Variants in CAMTA1 observed in about 807,000 individuals in gnomAD.
The protein encoded by CAMTA1 is calmodulin binding transcription activator 1.
In CAMTA1, 27 loss-of-function variants were observed where a neutral mutation model predicts 170.9. That is an observed-to-expected ratio of 0.16 (90% confidence interval 0.12 to 0.22). The LOEUF (loss-of-function observed/expected upper bound fraction) is 0.22. Among genes scored for constraint, CAMTA1 ranks in the 10% least tolerant of loss-of-function variants. The probability of loss-of-function intolerance (pLI) is 1.00; values close to 1 mark genes in which losing one functional copy is unlikely to be tolerated. For synonymous variants in CAMTA1, 833 were observed against 891.5 expected (o/e 0.93, Z 1.17); for missense variants, 1,619 against 2,217.2 (o/e 0.73, Z 5.42).
chr1:7,460,696 C>T lies in CAMTA1; in HGVS notation c.439-7134C>T, dbSNP rs528318393. On this transcript the variant is annotated intron_variant, in intron 5 of 22. Coordinates refer to ENST00000303635, the MANE Select transcript of CAMTA1 (RefSeq NM_015215.4). ...ACCCTCATCTTCTAGGTGGATTTTCCCTTCCCTTCTATGAGCTCTTTTCTT... is the reference window on the plus strand; with the variant it reads ...ACCCTCATCTTCTAGGTGGATTTTCTCTTCCCTTCTATGAGCTCTTTTCTT... Among the ~76,000 whole-genome samples the T allele has an allele frequency of 1.0e-3, 154 of 152,218 alleles. 1 individual carries two copies. Among genetic ancestry groups the T allele is most frequent in the African/African-American group, 2.8e-3 (116 of 41,542 alleles).
intron 6 of CAMTA1, among the ~76,000 whole-genome samples, chr1:7,617,029 G>T (rs1179635662): frequency 6.6e-6 from 1 of 152,228 alleles, no homozygotes; most frequent in Non-Finnish European, 1.5e-5. Flanking sequence ...AGCTCGTGGG[G>T]TAAAGTGTGG....
chr1:7,679,754 G>A (rs544510447), intron 11 of CAMTA1, among the ~76,000 whole-genome samples: 32 of 152,374 alleles, frequency 2.1e-4, no homozygotes, highest in Middle Eastern at 3.4e-3. Context: ...TAGGGGAACA[G>A]TAGCTCCGCA....
chr1:7,236,401 A>G (rs76685420), intron 4 of CAMTA1, among the ~76,000 whole-genome samples: 1 of 152,164 alleles, frequency 6.6e-6, no homozygotes, highest in Non-Finnish European at 1.5e-5. Flanking sequence ...CTTGCTCTGT[A>G]TGAAGTGTTT....
intron 5 of CAMTA1, among the ~76,000 whole-genome samples, chr1:7,422,986 C>A (rs845251): frequency 0.9 from 137,668 of 152,326 alleles, 62,293 homozygotes; most frequent in East Asian, 0.99. Flanking sequence ...AGATTAATGG[C>A]AGTGCCATTT....
chr1:7,035,694 G>C (rs749009418), intron 3 of CAMTA1, among the ~76,000 whole-genome samples: 3 of 152,168 alleles, frequency 2.0e-5, no homozygotes, highest in Non-Finnish European at 4.4e-5. Flanking sequence ...ATCTCTTAAG[G>C]ATGCCCGAAG....
intron 5 of CAMTA1, among the ~76,000 whole-genome samples, chr1:7,400,657 A>G (rs939709535): frequency 6.6e-6 from 1 of 152,070 alleles, no homozygotes; most frequent in African/African-American, 2.4e-5. Flanking sequence ...TCATCTTCAG[A>G]TATGTCCTAG....
intron 6 of CAMTA1, among the ~76,000 whole-genome samples, chr1:7,575,488 C>T (rs549498616): frequency 3.7e-4 from 56 of 152,228 alleles, no homozygotes; most frequent in Non-Finnish European, 6.6e-4. Context: ...TTGCAGATGG[C>T]CTGTCATGTG....
At position 7,234,527 on chromosome 1, in the gene CAMTA1, G is replaced by A. The variant is rs185173188; in HGVS notation, c.303-14964G>A. The stretch of plus-strand genomic sequence containing the variant: ...CTGTGGCACCCTCAGCACCCGGCGT[G>A]AATGCTCAGCCGTGATAGCTGCTCA... On this transcript the variant is annotated intron_variant, in intron 4 of 22. Coordinates refer to ENST00000303635, the MANE Select transcript of CAMTA1 (RefSeq NM_015215.4). This position sits in a 1 kb window ranked among gnomAD's most constrained non-coding sequence, Gnocchi z 5.0. 4.6e-5 allele frequency among the ~76,000 whole-genome samples: 7 copies of A among 152,346 alleles called. No homozygotes were observed. In the East Asian group the frequency reaches 1.4e-3, roughly 29 times the overall value.
At chr1:7,276,298 TATATA>T (rs1365421474) in intron 5 of CAMTA1, among the ~76,000 whole-genome samples, 3 of 14,564 alleles carry the variant, frequency 2.1e-4, no homozygotes, top group Admixed American at 8.5e-4. Context: ...TATATATATA[TATATA>T]TTTTTTTTTT....
intron 5 of CAMTA1, among the ~76,000 whole-genome samples, chr1:7,345,785 T>C (rs1414622186): frequency 6.6e-6 from 1 of 152,166 alleles, no homozygotes; most frequent in African/African-American, 2.4e-5. Flanking sequence ...TTTTAAGAAA[T>C]GGCCATAGTC....
chr1:6,825,750 A>C (rs1647028300), intron 3 of CAMTA1, among the ~76,000 whole-genome samples: 2 of 152,232 alleles, frequency 1.3e-5, no homozygotes, highest in South Asian at 4.1e-4. Flanking sequence ...CCAATTAGAA[A>C]GTAGATTTAT....
intron 5 of CAMTA1, among the ~76,000 whole-genome samples, chr1:7,269,597 C>A (rs987777993): frequency 2.8e-4 from 43 of 152,082 alleles, no homozygotes; most frequent in African/African-American, 8.0e-4. Context: ...GGATTAATAC[C>A]AGATTAGACA....
At chr1:7,208,794 T>C (rs1658226089) in intron 4 of CAMTA1, among the ~76,000 whole-genome samples, 1 of 152,128 alleles carries the variant, frequency 6.6e-6, no homozygotes, top group African/African-American at 2.4e-5. Flanking sequence ...ACATAGTGGG[T>C]TCTGATGATG....
At chr1:6,957,608 ACTCT>A (rs1689669090) in intron 3 of CAMTA1, among the ~76,000 whole-genome samples, 2 of 147,012 alleles carry the variant, frequency 1.4e-5, no homozygotes, top group Admixed American at 6.7e-5. Context: ...TAGTTCTCTG[ACTCT>A]CTCTTCTGCC....
At chr1:6,943,446 C>T (rs1218668593) in intron 3 of CAMTA1, among the ~76,000 whole-genome samples, 1 of 152,166 alleles carries the variant, frequency 6.6e-6, no homozygotes, top group Non-Finnish European at 1.5e-5. Context: ...TGGCGCCCCA[C>T]ACCTCCTCAC....
intron 3 of CAMTA1, among the ~76,000 whole-genome samples, chr1:6,949,084 T>G (rs1688032502): frequency 6.6e-6 from 1 of 152,238 alleles, no homozygotes. Context: ...TTTTCTGAGA[T>G]AAGTCTGACT....
intron 5 of CAMTA1, among the ~76,000 whole-genome samples, chr1:7,410,065 G>T (rs2090602782): frequency 1.3e-5 from 2 of 152,238 alleles, no homozygotes; most frequent in South Asian, 4.1e-4. Flanking sequence ...AAAGAGCAAA[G>T]GATGTGGCTG....
intron 4 of CAMTA1, among the ~76,000 whole-genome samples, chr1:7,152,677 C>T (rs890017051): frequency 2.0e-5 from 3 of 152,196 alleles, no homozygotes; most frequent in Admixed American, 2.0e-4. Context: ...GGCTTCTCCA[C>T]CTCCCAGGAG....
chr1:7,371,163 G>A lies in CAMTA1; in HGVS notation c.439-96667G>A, dbSNP rs996920656. On this transcript the variant is annotated intron_variant, in intron 5 of 22. Transcript: ENST00000303635. ...CCTGACCTTGTGATCCTCCTGCCTCGGCCTCCCAAAATGTTGGGATTACAG... is the reference window on the plus strand; with the variant it reads ...CCTGACCTTGTGATCCTCCTGCCTCAGCCTCCCAAAATGTTGGGATTACAG... 1.8e-4 allele frequency among the ~76,000 whole-genome samples: 28 copies of A among 151,930 alleles called. 1 individual carries two copies. The highest frequency in any genetic ancestry group is 5.3e-4 in the African/African-American group (22 of 41,436).
Sources: allele counts gnomAD v4.1 joint callset (sites outside exome capture counted in the v4.1 genomes callset), GRCh38; gene constraint gnomAD v4.1.1; non-coding constraint Gnocchi (gnomAD v3.1); transcripts MANE v1.5; gene names NCBI Gene and HGNC (gene_info 2026-07-23, HGNC 2026-07-21).